KCNU1: variants seen among roughly 807,000 people sequenced by gnomAD.
KCNU1 encodes the protein potassium channel subfamily U member 1.
KCNU1 carries 93 observed loss-of-function variants against 126.8 expected under a neutral mutation model. The observed-to-expected ratio is 0.73, with a 90% CI of 0.62 to 0.87. KCNU1 has a LOEUF of 0.87. Among genes scored for constraint, KCNU1 ranks in the 40% least tolerant of loss-of-function variants. KCNU1 has a pLI of 0.00. For missense variants in KCNU1, 1,330 were observed against 1,367.1 expected, an observed-to-expected ratio of 0.97 and a Z score of 0.43; for synonymous variants, 523 against 494.2, an observed-to-expected ratio of 1.06 and a Z score of -0.77.
At chr8:36,878,801 C>CT (rs1275278976) in intron 19 of KCNU1, among the ~76,000 whole-genome samples, 1 of 147,804 alleles carries the variant, frequency 6.8e-6, no homozygotes, top group East Asian at 2.0e-4. Flanking sequence ...ACATATATAT[C>CT]TGCCCTAATT....
chr8:36,806,334 C>T lies in KCNU1; in HGVS notation c.534C>T (p.Thr178=). 6.2e-7 allele frequency: 1 copy of T among 1,609,938 alleles called. No homozygotes were observed. Among genetic ancestry groups the T allele is most frequent in the Non-Finnish European group, 8.5e-7 (1 of 1,177,850 alleles). ...TGAATTCAATCGTAGACATCTTTACCATCCCACCAACCTTTATTTCTTATT... is the reference window on the plus strand; with the variant it reads ...TGAATTCAATCGTAGACATCTTTACTATCCCACCAACCTTTATTTCTTATT... ...LEMNSIVDIF[T]IPPTFISYYL... Residue 178 remains threonine, a synonymous_variant, in exon 5 of 27, where the codon ACC becomes ACT. Coordinates refer to ENST00000399881, the MANE Select transcript of KCNU1 (RefSeq NM_001031836.3).
In KCNU1 at chr8:36,805,237, T is replaced by G. The variant is rs780119962; in HGVS notation, c.420T>G (p.Pro140=). 2 of 1,610,726 alleles carry G rather than the reference T, an allele frequency of 1.2e-6. No homozygotes were observed. The highest frequency in any genetic ancestry group is 1.7e-6 in the Non-Finnish European group (2 of 1,178,104). The change falls in exon 4 of 27, where the codon CCT becomes CCG. Residue 140 remains proline (P), a synonymous_variant. Coordinates refer to ENST00000399881, the MANE Select transcript of KCNU1 (RefSeq NM_001031836.3). ...SCSSYEDKTI[P]IDLVFNAFFS... is the part of the protein sequence containing the mutation. ...CATCATATGAAGACAAAACCATTCCTATTGATTTGGTTTTCAATGCTTTCT... is the reference window on the plus strand; with the variant it reads ...CATCATATGAAGACAAAACCATTCCGATTGATTTGGTTTTCAATGCTTTCT...
chr8:36,837,049 A>ATC (rs1245012493), intron 14 of KCNU1, 104 bp downstream of exon 14: 48 of 1,076,330 alleles, frequency 4.5e-5, no homozygotes, highest in Admixed American at 7.6e-5. Flanking sequence ...GGCCCCAAGC[A>ATC]ATGAGATATG....
chr8:36,921,443 CT>C (rs1453254284), intron 23 of KCNU1, among the ~76,000 whole-genome samples: 1 of 152,046 alleles, frequency 6.6e-6, no homozygotes, highest in African/African-American at 2.4e-5. Flanking sequence ...CTTTGGGAGG[CT>C]GAGGCGGGTG....
Position 36,928,097 on chromosome 8 carries a change from C to T in KCNU1, c.2737-2854C>T, listed in dbSNP as rs186587247. On this transcript the variant is annotated intron_variant, in intron 24 of 26. Transcript: ENST00000399881. ...TTGAGAAAGGTCTGTGGCAGAGAACCCCAAATAGTAAGAATAGGAGATGAG... is the reference window on the plus strand; with the variant it reads ...TTGAGAAAGGTCTGTGGCAGAGAACTCCAAATAGTAAGAATAGGAGATGAG... 1.3e-4 allele frequency among the ~76,000 whole-genome samples: 20 copies of T among 151,856 alleles called. No homozygotes were observed. In the East Asian group the frequency reaches 3.3e-3, roughly 25 times the overall value.
At chr8:36,912,031 G>C (rs1807893108) in intron 22 of KCNU1, among the ~76,000 whole-genome samples, 1 of 152,090 alleles carries the variant, frequency 6.6e-6, no homozygotes, top group Non-Finnish European at 1.5e-5. Flanking sequence ...AGAAATAAAA[G>C]TAAGTCATGA....
chr8:36,815,325 A>G (rs1172313616), intron 8 of KCNU1, among the ~76,000 whole-genome samples: 1 of 152,134 alleles, frequency 6.6e-6, no homozygotes, highest in East Asian at 1.9e-4. Context: ...AACAAAAACA[A>G]AAGTGATGAA....
chr8:36,902,805 T>C (rs1050114155), intron 19 of KCNU1, among the ~76,000 whole-genome samples: 1 of 152,076 alleles, frequency 6.6e-6, no homozygotes, highest in Non-Finnish European at 1.5e-5. Context: ...CAGGGTCCTG[T>C]CTGGTATGAT....
chr8:36,791,799 G>T (rs1344164363), intron 2 of KCNU1, among the ~76,000 whole-genome samples: 1 of 152,134 alleles, frequency 6.6e-6, no homozygotes, highest in Non-Finnish European at 1.5e-5. Flanking sequence ...GAAAAGATCA[G>T]TCTCTTCATA....
At chr8:36,811,058 A>G (rs942769009) in intron 7 of KCNU1, among the ~76,000 whole-genome samples, 6 of 152,180 alleles carry the variant, frequency 3.9e-5, no homozygotes, top group African/African-American at 1.4e-4. Context: ...AAATGTAACA[A>G]ATTTGACAAA....
chr8:36,814,548 C>T, intron 8 of KCNU1, 171 bp downstream of exon 8: 1 of 577,328 alleles, frequency 1.7e-6, no homozygotes, highest in Non-Finnish European at 3.0e-6. Context: ...AACTGCATCC[C>T]CTGGAGCTCA....
At chr8:36,841,681 G>A (rs1585444085) in intron 16 of KCNU1, among the ~76,000 whole-genome samples, 1 of 152,230 alleles carries the variant, frequency 6.6e-6, no homozygotes, top group East Asian at 1.9e-4. Context: ...AGGTGACAGA[G>A]CAAGACTCTG....
intron 19 of KCNU1, among the ~76,000 whole-genome samples, chr8:36,889,960 GAATTA>G (rs1481960890): frequency 6.6e-6 from 1 of 152,050 alleles, no homozygotes; most frequent in African/African-American, 2.4e-5. Flanking sequence ...AGAGTGAAGT[GAATTA>G]AAGTATTGAA....
rs1162174784 is a variant in KCNU1, at chr8:36,922,439, A to G, written c.2597-51A>G. The G allele has an allele frequency of 6.4e-6, 10 of 1,565,334 alleles. No homozygotes were observed. In the South Asian group the frequency reaches 8.4e-5, roughly 13 times the overall value. On this transcript the variant is annotated intron_variant, in intron 23 of 26. Transcript: ENST00000399881. ...TTGGCCTGCATGGATGGCACTTCTT[A>G]TATTCTTAACCTGATCTGCTTGTCT...
chr8:36,803,961 C>CT, intron 2 of KCNU1, 66 bp from the exon 3 acceptor site: 1 of 1,087,220 alleles, frequency 9.2e-7, no homozygotes, highest in South Asian at 1.3e-5. Flanking sequence ...AGAAAACACA[C>CT]TTTTGTCGAT....
Position 36,905,753 on chromosome 8 carries a change from C to A in KCNU1, c.2055C>A (p.Ser685Arg). The change falls in exon 20 of 27, where the codon AGC becomes AGA. Residue 685 changes from serine to arginine, a missense_variant. Physicochemically the swap from Ser to Arg is moderately radical, Grantham distance 110. Around this residue, in one of 3 missense-constraint regions of KCNU1, gnomAD observed 1,054 missense variants for 1,053.9 expected, o/e 1.00. Coordinates refer to ENST00000399881, the MANE Select transcript of KCNU1 (RefSeq NM_001031836.3). Reference sequence around the variant, plus strand: ...AACAAGATTCTGACCAGCTTGATAGCAGTGGGATGTTTCACTGGTGCAAAC... The same window carrying A: ...AACAAGATTCTGACCAGCTTGATAGAAGTGGGATGTTTCACTGGTGCAAAC... ...DVEQDSDQLD[S>R]SGMFHWCKPT... The A allele has an allele frequency of 6.2e-7, 1 of 1,605,026 alleles. No individual in the cohort carries two copies. Among genetic ancestry groups the A allele is most frequent in the Non-Finnish European group, 8.5e-7 (1 of 1,173,996 alleles).
chr8:36,891,024 T>C (rs1383159467), intron 19 of KCNU1, among the ~76,000 whole-genome samples: 1 of 151,840 alleles, frequency 6.6e-6, no homozygotes, highest in African/African-American at 2.4e-5. Context: ...ATTAGTGTAA[T>C]CTATTTATAC....
At chr8:36,808,814 C>T in intron 7 of KCNU1, 21 bp downstream of exon 7, 1 of 1,558,508 alleles carries the variant, frequency 6.4e-7, no homozygotes, top group Non-Finnish European at 8.8e-7. Context: ...CATCACAATC[C>T]CTAGTGGTGT....
At chr8:36,836,223 T>C (rs1156274277) in intron 12 of KCNU1, 73 bp from the exon 13 acceptor site, 3 of 939,752 alleles carry the variant, frequency 3.2e-6, no homozygotes, top group Non-Finnish European at 5.1e-6. Context: ...TCAATTTAAC[T>C]CTGAATTAAA....
Sources: allele counts gnomAD v4.1 joint callset (sites outside exome capture counted in the v4.1 genomes callset), GRCh38; gene constraint gnomAD v4.1.1; regional missense constraint gnomAD v4.1.1; transcripts MANE v1.5; gene names NCBI Gene and HGNC (gene_info 2026-07-23, HGNC 2026-07-21).